Variants in TMEM132D observed in about 807,000 individuals in gnomAD.
TMEM132D encodes transmembrane protein 132D.
Under a neutral mutation model 62.3 loss-of-function variants are expected in TMEM132D, and 21 were observed. The ratio of observed to expected loss-of-function variants is 0.34; its 90% CI spans 0.24 to 0.49. The LOEUF is 0.49. TMEM132D is among the 20% of genes least tolerant of loss of function. TMEM132D has a pLI of 0.99. For synonymous variants in TMEM132D, 621 were observed against 575.6 expected (o/e 1.08, Z -1.13); for missense variants, 1,346 against 1,402.8 (o/e 0.96, Z 0.65).
At chr12:129,710,489 G>C (rs1881614403) in intron 1 of TMEM132D, among the ~76,000 whole-genome samples, 1 of 152,010 alleles carries the variant, frequency 6.6e-6, no homozygotes, top group Non-Finnish European at 1.5e-5. Flanking sequence ...TAGAGACGGG[G>C]TTTTGCCATG....
intron 3 of TMEM132D, among the ~76,000 whole-genome samples, chr12:129,476,562 G>A (rs1166625973): frequency 1.4e-4 from 21 of 152,172 alleles, no homozygotes; most frequent in Admixed American, 1.4e-3. Context: ...CTTGGGTCCA[G>A]GGGATGGCCC....
In TMEM132D at chr12:129,867,827, C is replaced by A. The variant is rs759162993; in HGVS notation, c.79+35434G>T. ...AAGCCAAAACTAACCTAGTGAAAAA[C>A]AACAGTTGACAGGGGCCAGAGATGG... is the stretch of plus-strand genomic sequence containing the variant. On this transcript the variant is annotated intron_variant, in intron 1 of 8. Coordinates refer to ENST00000422113, the MANE Select transcript of TMEM132D (RefSeq NM_133448.3). The surrounding 1 kb of genome is among the most constrained non-coding windows in gnomAD (Gnocchi z 4.5). Among the ~76,000 whole-genome samples the A allele has an allele frequency of 8.5e-5, 13 of 152,150 alleles. No individual in the cohort carries two copies. The highest frequency in any genetic ancestry group is 1.6e-4 in the Non-Finnish European group (11 of 68,016).
chr12:129,165,043 AG>A (rs141161623), intron 5 of TMEM132D, among the ~76,000 whole-genome samples: 2,197 of 152,352 alleles, frequency 0.014, 55 homozygotes, highest in East Asian at 0.11. Context: ...TGCAGCAAAA[AG>A]GAAAGGACTA....
chr12:129,799,585 G>A (rs1244535044), intron 1 of TMEM132D, among the ~76,000 whole-genome samples: 2 of 152,070 alleles, frequency 1.3e-5, no homozygotes, highest in African/African-American at 4.8e-5. Context: ...GTGAGGCACA[G>A]ATGGTGTTTT....
chr12:129,593,518 T>C (rs1377520898), intron 2 of TMEM132D, among the ~76,000 whole-genome samples: 2 of 152,174 alleles, frequency 1.3e-5, no homozygotes, highest in Admixed American at 6.5e-5. Flanking sequence ...TGATTTTAAA[T>C]GTGCTGAAAG....
At chr12:129,595,286 G>A (rs1458217756) in intron 2 of TMEM132D, among the ~76,000 whole-genome samples, 1 of 152,242 alleles carries the variant, frequency 6.6e-6, no homozygotes, top group Non-Finnish European at 1.5e-5. Flanking sequence ...AACACAGATA[G>A]TGCATACGTA....
intron 5 of TMEM132D, among the ~76,000 whole-genome samples, chr12:129,204,426 G>T (rs1878788667): frequency 6.6e-6 from 1 of 152,140 alleles, no homozygotes; most frequent in African/African-American, 2.4e-5. Flanking sequence ...AGAAATCTCA[G>T]AGCTTGAGGG....
rs886931116 is a variant in TMEM132D, at chr12:129,845,711, G to A, written c.79+57550C>T. 1.4e-4 allele frequency among the ~76,000 whole-genome samples: 21 copies of A among 152,258 alleles called. No homozygotes were observed. The Middle Eastern group carries it at 0.014, about 99-fold the overall frequency. ...AATCAAAATGACACAGGGCAGATAA[G>A]CCCCAAAATTGGGGCTTAACCCAGG... is the stretch of plus-strand genomic sequence containing the variant. On this transcript the variant is annotated intron_variant, in intron 1 of 8. Coordinates refer to ENST00000422113, the MANE Select transcript of TMEM132D (RefSeq NM_133448.3).
chr12:129,489,036 A>G (rs755909027), intron 3 of TMEM132D, among the ~76,000 whole-genome samples: 1 of 152,216 alleles, frequency 6.6e-6, no homozygotes. Flanking sequence ...ATAGTCGTCA[A>G]TAGCCATCAA....
chr12:129,757,997 G>A (rs1171777227), intron 1 of TMEM132D, among the ~76,000 whole-genome samples: 1 of 152,138 alleles, frequency 6.6e-6, no homozygotes, highest in Non-Finnish European at 1.5e-5. Context: ...CCGCCTCCTG[G>A]GTTCAAGTGA....
chr12:129,311,279 C>T (rs987347813), intron 4 of TMEM132D, among the ~76,000 whole-genome samples: 1 of 145,182 alleles, frequency 6.9e-6, no homozygotes, highest in Non-Finnish European at 1.5e-5. Flanking sequence ...GATCAATAAA[C>T]CTGAAGTCAG....
chr12:129,420,866 G>A (rs1229551235), intron 3 of TMEM132D, among the ~76,000 whole-genome samples: 1 of 151,994 alleles, frequency 6.6e-6, no homozygotes, highest in Admixed American at 6.6e-5. Context: ...CAATTGTTAG[G>A]TATGGAGTTT....
chr12:129,728,961 C>T (rs922551657), intron 1 of TMEM132D, among the ~76,000 whole-genome samples: 5 of 152,196 alleles, frequency 3.3e-5, no homozygotes, highest in South Asian at 2.1e-4. Flanking sequence ...TCTGACTTTG[C>T]GGGGTGTTAT....
chr12:129,214,880 AC>A (rs1454741195), intron 4 of TMEM132D, among the ~76,000 whole-genome samples: 4 of 152,180 alleles, frequency 2.6e-5, no homozygotes, highest in East Asian at 1.9e-4. Context: ...AATTAGTTCA[AC>A]CTTTGTGGAA....
intron 2 of TMEM132D, among the ~76,000 whole-genome samples, chr12:129,587,304 T>G (rs1843064): frequency 0.082 from 12,411 of 152,154 alleles, 1,501 homozygotes; most frequent in African/African-American, 0.26. Flanking sequence ...AAAATTAAAT[T>G]CCACATGTTC....
intron 3 of TMEM132D, among the ~76,000 whole-genome samples, chr12:129,435,083 TG>T (rs2135718259): frequency 6.6e-6 from 1 of 152,334 alleles, no homozygotes; most frequent in East Asian, 1.9e-4. Flanking sequence ...CTTCTGTTCC[TG>T]GCTTATTTCA....
At chr12:129,826,519 C>G (rs1251224705) in intron 1 of TMEM132D, among the ~76,000 whole-genome samples, 1 of 152,164 alleles carries the variant, frequency 6.6e-6, no homozygotes, top group Non-Finnish European at 1.5e-5. Flanking sequence ...CGCCTTGCTC[C>G]TGGGACACAA....
chr12:129,858,995 C>T (rs1487903879), intron 1 of TMEM132D, among the ~76,000 whole-genome samples: 3 of 126,972 alleles, frequency 2.4e-5, no homozygotes, highest in Non-Finnish European at 5.0e-5. Context: ...CCTTGGAGTC[C>T]GGGGGAACGG....
intron 3 of TMEM132D, among the ~76,000 whole-genome samples, chr12:129,409,346 T>A (rs1871894130): frequency 6.6e-6 from 1 of 152,220 alleles, no homozygotes; most frequent in African/African-American, 2.4e-5. Context: ...AAAATCTGTG[T>A]GTCGGACACT....
Sources: allele counts gnomAD v4.1 joint callset (sites outside exome capture counted in the v4.1 genomes callset), GRCh38; gene constraint gnomAD v4.1.1; non-coding constraint Gnocchi (gnomAD v3.1); transcripts MANE v1.5; gene names NCBI Gene and HGNC (gene_info 2026-07-23, HGNC 2026-07-21).